Variants in NBEA observed in about 807,000 individuals in gnomAD.
NBEA encodes the protein lysosomal-trafficking regulator 2.
In NBEA, 44 loss-of-function variants were observed where a neutral mutation model predicts 343.4. The ratio of observed to expected loss-of-function variants is 0.13; its 90% CI spans 0.10 to 0.16. The LOEUF is 0.16. Among genes scored for constraint, NBEA ranks in the 10% least tolerant of loss-of-function variants. The pLI, the probability that NBEA is intolerant of heterozygous loss-of-function variation, is 1.00. For missense variants in NBEA, 2,555 were observed against 3,631.3 expected, an observed-to-expected ratio of 0.70 and a Z score of 7.62; for synonymous variants, 1,175 against 1,238.7, an observed-to-expected ratio of 0.95 and a Z score of 1.08.
intron 38 of NBEA, among the ~76,000 whole-genome samples, chr13:35,394,098 G>A (rs1229308132): frequency 6.6e-6 from 1 of 152,096 alleles, no homozygotes. Flanking sequence ...TGGGAAAATA[G>A]CATATCCTTC....
intron 40 of NBEA, among the ~76,000 whole-genome samples, chr13:35,455,333 A>G (rs2046518549): frequency 6.6e-6 from 1 of 152,020 alleles, no homozygotes; most frequent in Admixed American, 6.5e-5. Context: ...TAGAGAAAGT[A>G]CTAATTTAGT....
intron 17 of NBEA, among the ~76,000 whole-genome samples, chr13:35,123,879 A>G (rs2066929881): frequency 6.6e-6 from 1 of 152,118 alleles, no homozygotes; most frequent in African/African-American, 2.4e-5. Context: ...TATAGGTATG[A>G]TTTCAAGGAA....
intron 1 of NBEA, among the ~76,000 whole-genome samples, chr13:34,967,166 G>A (rs73490344): frequency 0.081 from 12,273 of 151,676 alleles, 623 homozygotes; most frequent in African/African-American, 0.13. Context: ...TAGTGAAAAG[G>A]TTATTAAATT....
intron 30 of NBEA, among the ~76,000 whole-genome samples, chr13:35,195,324 G>A (rs1354902876): frequency 6.6e-6 from 1 of 151,950 alleles, no homozygotes; most frequent in East Asian, 1.9e-4. Context: ...AATGCCAGAT[G>A]ATTTAAGAAG....
chr13:35,327,414 G>A (rs1177171506), intron 36 of NBEA, among the ~76,000 whole-genome samples: 2 of 151,950 alleles, frequency 1.3e-5, no homozygotes, highest in Non-Finnish European at 2.9e-5. Context: ...AAGAAAATGT[G>A]GTATGTACAC....
chr13:35,003,433 G>T (rs1343496926), intron 1 of NBEA, among the ~76,000 whole-genome samples: 1 of 152,034 alleles, frequency 6.6e-6, no homozygotes, highest in Non-Finnish European at 1.5e-5. Flanking sequence ...GAAAATGCAG[G>T]TATATGCTTT....
intron 33 of NBEA, among the ~76,000 whole-genome samples, chr13:35,222,763 G>A (rs934018695): frequency 6.6e-6 from 1 of 152,082 alleles, no homozygotes; most frequent in Admixed American, 6.6e-5. Context: ...GCTTGTAACA[G>A]TTTACTCCTA....
chr13:35,125,404 T>C (rs1027652037), intron 17 of NBEA, among the ~76,000 whole-genome samples: 1 of 152,210 alleles, frequency 6.6e-6, no homozygotes, highest in Non-Finnish European at 1.5e-5. Context: ...AAATAGATCA[T>C]TTGTTTGAAA....
At chr13:34,972,677 T>A (rs1385941134) in intron 1 of NBEA, among the ~76,000 whole-genome samples, 2 of 152,214 alleles carry the variant, frequency 1.3e-5, no homozygotes, top group Admixed American at 1.3e-4. Flanking sequence ...TTGATTGCGC[T>A]GTGGTCTGAG....
chr13:35,265,532 AT>A (rs2033602408), intron 34 of NBEA, among the ~76,000 whole-genome samples: 1 of 151,922 alleles, frequency 6.6e-6, no homozygotes, highest in South Asian at 2.1e-4. Context: ...TACCAATAGG[AT>A]AGAAAGATAG....
intron 40 of NBEA, among the ~76,000 whole-genome samples, chr13:35,467,606 G>A (rs1228098875): frequency 6.6e-6 from 1 of 151,680 alleles, no homozygotes; most frequent in Non-Finnish European, 1.5e-5. Context: ...TTATATTTTT[G>A]TCCTGATTTC....
chr13:35,475,647 A>G, intron 41 of NBEA: 2 of 1,613,592 alleles, frequency 1.2e-6, no homozygotes, highest in Non-Finnish European at 1.7e-6. Context: ...CCACGTACCT[A>G]TCTCGGATTC....
chr13:35,443,019 T>C (rs926589701), intron 39 of NBEA, among the ~76,000 whole-genome samples: 1 of 152,096 alleles, frequency 6.6e-6, no homozygotes, highest in African/African-American at 2.4e-5. Flanking sequence ...ACTGTTGGTG[T>C]TAGGTAGCCA....
chr13:35,366,695 A>G (rs2041137686), intron 38 of NBEA, among the ~76,000 whole-genome samples: 1 of 136,726 alleles, frequency 7.3e-6, no homozygotes, highest in South Asian at 2.3e-4. Flanking sequence ...GCAGCTACTC[A>G]GGTATTCAGG....
intron 4 of NBEA, among the ~76,000 whole-genome samples, chr13:35,047,442 A>G (rs534973618): frequency 1.3e-5 from 2 of 152,168 alleles, no homozygotes; most frequent in South Asian, 4.2e-4. Flanking sequence ...AACACAATTG[A>G]AAAGAGAAAC....
At chr13:35,309,426 A>G in intron 35 of NBEA, 102 bp from the exon 36 acceptor site, 1 of 644,418 alleles carries the variant, frequency 1.6e-6, no homozygotes, top group Non-Finnish European at 2.7e-6. Context: ...TGGAAATAAT[A>G]TAATGTGGAA....
intron 35 of NBEA, among the ~76,000 whole-genome samples, chr13:35,308,438 C>CTATATATATA (rs5802761): frequency 3.4e-5 from 3 of 88,972 alleles, no homozygotes; most frequent in Admixed American, 1.3e-4. Flanking sequence ...CTGCTATTTA[C>CTATATATATA]TATATATATA....
intron 13 of NBEA, among the ~76,000 whole-genome samples, chr13:35,116,606 A>T (rs946456122): frequency 6.6e-6 from 1 of 152,142 alleles, no homozygotes; most frequent in Non-Finnish European, 1.5e-5. Context: ...TATTAAGTGA[A>T]TAAGCAGATG....
chr13:35,507,498 T>C (rs1393315009), intron 41 of NBEA, among the ~76,000 whole-genome samples: 1 of 152,040 alleles, frequency 6.6e-6, no homozygotes, highest in Non-Finnish European at 1.5e-5. Flanking sequence ...CTTTGTCTAG[T>C]TTTGAACTCC....
Sources: gnomAD v4.1 joint callset for allele counts (sites outside exome capture counted in the v4.1 genomes callset) on GRCh38, gnomAD v4.1.1 for gene constraint, MANE v1.5 for transcripts, NCBI Gene and HGNC (gene_info 2026-07-23, HGNC 2026-07-21) for gene names.